Variants in GOLM2 observed in about 807,000 individuals in gnomAD.
The protein encoded by GOLM2 is golgi membrane protein 2, also known as protein GOLM2.
In GOLM2, 26 loss-of-function variants were observed where a neutral mutation model predicts 55.9. That is an observed-to-expected ratio of 0.47 (90% CI 0.34 to 0.65). The LOEUF (loss-of-function observed/expected upper bound fraction) is 0.65. GOLM2 is among the 30% of genes least tolerant of loss of function. The pLI is 0.01. For missense variants in GOLM2, 486 were observed against 531.8 expected, an observed-to-expected ratio of 0.91 and a Z score of 0.85; for synonymous variants, 165 against 194.6, an observed-to-expected ratio of 0.85 and a Z score of 1.27.
At chr15:44,327,792 A>G (rs536491764) in intron 2 of GOLM2, among the ~76,000 whole-genome samples, 27 of 152,318 alleles carry the variant, frequency 1.8e-4, no homozygotes, top group African/African-American at 6.3e-4. Flanking sequence ...TTTACAAACA[A>G]GTGTTTGGCC....
chr15:44,402,166 A>T (rs879818401), intron 8 of GOLM2, among the ~76,000 whole-genome samples: 2 of 151,212 alleles, frequency 1.3e-5, no homozygotes, highest in East Asian at 3.9e-4. Context: ...AATGTGTATA[A>T]TATACTGGCC....
intron 6 of GOLM2, among the ~76,000 whole-genome samples, chr15:44,359,651 T>A (rs1238057297): frequency 3.9e-5 from 6 of 152,092 alleles, no homozygotes; most frequent in African/African-American, 1.4e-4. Context: ...CAGGAGAACT[T>A]CCCCAATCTG....
intron 8 of GOLM2, among the ~76,000 whole-genome samples, chr15:44,395,336 T>C (rs1187812061): frequency 6.6e-6 from 1 of 151,878 alleles, no homozygotes; most frequent in Non-Finnish European, 1.5e-5. Flanking sequence ...AATAAAATAG[T>C]TGAGAAATTG....
intron 8 of GOLM2, among the ~76,000 whole-genome samples, chr15:44,386,066 T>G (rs2079441919): frequency 1.3e-5 from 2 of 152,346 alleles, no homozygotes; most frequent in South Asian, 4.1e-4. Flanking sequence ...CTATTTTTTG[T>G]TTTTGTTCAT....
At position 44,289,429 on chromosome 15, in the gene GOLM2, C is replaced by T. The variant is rs2141100225; in HGVS notation, c.327+73C>T. The T allele has an allele frequency of 2.2e-6, 3 of 1,370,748 alleles. No individual in the cohort carries two copies. The highest frequency in any genetic ancestry group is 2.0e-6 in the Non-Finnish European group (2 of 1,007,760). 84.9% of individuals were successfully genotyped at this position (1,370,748 alleles called of 1,614,324 possible). A position where few individuals can be genotyped will look rare whatever the true frequency, so the allele number is the denominator to read the frequency against. On this transcript the variant is annotated intron_variant, in intron 1 of 9. Transcript: ENST00000299957. This position sits in a 1 kb window ranked among gnomAD's most constrained non-coding sequence, Gnocchi z 4.8. ...CGGGGTCTGGGGCGGGATGTTAATC[C>T]GCTAGCTGTTGTCTTATGCCTTCCA...
intron 3 of GOLM2, 66 bp downstream of exon 3, chr15:44,328,853 C>T: frequency 9.8e-7 from 1 of 1,017,392 alleles, no homozygotes; most frequent in Middle Eastern, 2.5e-4. Context: ...GGACTCAGTT[C>T]ATTTCTTTCT....
chr15:44,298,901 C>G (rs2078777219), intron 1 of GOLM2, among the ~76,000 whole-genome samples: 1 of 152,116 alleles, frequency 6.6e-6, no homozygotes, highest in African/African-American at 2.4e-5. Context: ...AGGGTGGCCC[C>G]TATTCCATTA....
intron 6 of GOLM2, among the ~76,000 whole-genome samples, chr15:44,375,160 A>C (rs1365370436): frequency 6.6e-6 from 1 of 152,058 alleles, no homozygotes; most frequent in East Asian, 1.9e-4. Context: ...AGCTGGGATT[A>C]CAGGCACACA....
intron 6 of GOLM2, among the ~76,000 whole-genome samples, chr15:44,378,273 T>A (rs1002630899): frequency 1.3e-5 from 2 of 151,558 alleles, no homozygotes; most frequent in Non-Finnish European, 2.9e-5. Flanking sequence ...GCCAGGTTGG[T>A]TTCGATTTCC....
At chr15:44,313,635 A>G (rs2078888902) in intron 1 of GOLM2, among the ~76,000 whole-genome samples, 1 of 152,172 alleles carries the variant, frequency 6.6e-6, no homozygotes, top group South Asian at 2.1e-4. Flanking sequence ...TAGGCTTTAC[A>G]CAGTGTCTTT....
rs754216405 is a variant in GOLM2 at position 44,380,836 on chromosome 15, G to A, written c.932G>A (p.Gly311Asp). The change falls in exon 8 of 10, where the codon GGT becomes GAT. Residue 311 changes from glycine to aspartate, a missense_variant. Transcript: ENST00000299957. ...CACATAAACCACAATGGAAACCCCG[G>A]TACTTCAAAACAGAATCCTTCCAGT... ...DSHINHNGNP[G>D]TSKQNPSSPL... The A allele has an allele frequency of 5.7e-6, 9 of 1,575,432 alleles. No individual in the cohort carries two copies. In the South Asian group the frequency reaches 1.1e-4, roughly 19 times the overall value.
intron 1 of GOLM2, among the ~76,000 whole-genome samples, chr15:44,316,392 T>C (rs541275164): frequency 6.6e-6 from 1 of 152,198 alleles, no homozygotes; most frequent in African/African-American, 2.4e-5. Flanking sequence ...TTAAGCTTTC[T>C]TTTGAAGGTG....
intron 8 of GOLM2, among the ~76,000 whole-genome samples, chr15:44,383,457 C>T (rs1361861320): frequency 2.6e-5 from 4 of 151,876 alleles, no homozygotes; most frequent in Non-Finnish European, 5.9e-5. Flanking sequence ...GTGGCCTGGC[C>T]ACATTGATTT....
intron 9 of GOLM2, among the ~76,000 whole-genome samples, chr15:44,408,324 A>C (rs1595671196): frequency 6.6e-6 from 1 of 152,194 alleles, no homozygotes; most frequent in Non-Finnish European, 1.5e-5. Context: ...TTGTTGGTAG[A>C]AACTTGAATT....
rs991700328 is a variant in GOLM2 at position 44,332,295 on chromosome 15, G to A, written c.576+217G>A. On this transcript the variant is annotated intron_variant, in intron 4 of 9. Transcript: ENST00000299957. ...AAACTGGTCGGGCACGGTGGTTCACGCCTGTAATCCCAGCACTTTGGGAGG... is the reference window on the plus strand; with the variant it reads ...AAACTGGTCGGGCACGGTGGTTCACACCTGTAATCCCAGCACTTTGGGAGG... Among the ~76,000 whole-genome samples, 7 of 152,046 alleles carry A rather than the reference G, an allele frequency of 4.6e-5. No homozygotes were observed. In the East Asian group the frequency reaches 9.6e-4, roughly 21 times the overall value.
At chr15:44,360,206 T>G (rs1299447757) in intron 6 of GOLM2, among the ~76,000 whole-genome samples, 3 of 151,818 alleles carry the variant, frequency 2.0e-5, no homozygotes, top group African/African-American at 7.3e-5. Flanking sequence ...ATAACAATAT[T>G]AACTTTAAAT....
At chr15:44,379,858 A>G in intron 7 of GOLM2, 70 bp downstream of exon 7, 3 of 847,472 alleles carry the variant, frequency 3.5e-6, no homozygotes, top group East Asian at 2.5e-5. Flanking sequence ...TATAGTGTAT[A>G]AAATATATCA....
chr15:44,391,941 C>A (rs1242959541), intron 8 of GOLM2, among the ~76,000 whole-genome samples: 1 of 152,138 alleles, frequency 6.6e-6, no homozygotes, highest in Non-Finnish European at 1.5e-5. Flanking sequence ...ACCTCTGCCT[C>A]CCAGGTTCAA....
chr15:44,369,883 A>C (rs1301417155), intron 6 of GOLM2, among the ~76,000 whole-genome samples: 1 of 152,060 alleles, frequency 6.6e-6, no homozygotes, highest in Non-Finnish European at 1.5e-5. Context: ...ATATGATCTG[A>C]ATAAAGGGGA....
Sources: allele counts gnomAD v4.1 joint callset (sites outside exome capture counted in the v4.1 genomes callset), GRCh38; gene constraint gnomAD v4.1.1; non-coding constraint Gnocchi (gnomAD v3.1); transcripts MANE v1.5; gene names NCBI Gene and HGNC (gene_info 2026-07-23, HGNC 2026-07-21).